Variants in COL4A2 observed in about 807,000 individuals in gnomAD.
The protein encoded by COL4A2 is collagen type IV alpha 2 chain, also known as collagen alpha-2(IV) chain.
COL4A2 carries 99 observed loss-of-function variants against 200.2 expected under a neutral mutation model. The observed-to-expected ratio is 0.49, with a 90% confidence interval of 0.42 to 0.58. The LOEUF is 0.58. COL4A2 is among the 20% of genes least tolerant of loss of function. COL4A2 has a pLI of 0.00. For synonymous variants in COL4A2, 897 were observed against 900.6 expected, an observed-to-expected ratio of 1.00 and a Z score of 0.07; for missense variants, 1,950 against 2,314.1, an observed-to-expected ratio of 0.84 and a Z score of 3.23.
intron 47 of COL4A2, among the ~76,000 whole-genome samples, chr13:110,510,188 G>A (rs1179332662): frequency 6.6e-6 from 1 of 152,240 alleles, no homozygotes; most frequent in African/African-American, 2.4e-5. Context: ...CTAGCGCCTG[G>A]CTCACCCTTC....
chr13:110,468,005 A>T (rs9521793), intron 27 of COL4A2: 38,321 of 373,102 alleles, frequency 0.1, 2,114 homozygotes, highest in Middle Eastern at 0.14. Flanking sequence ...CCACCTATGC[A>T]AGATGAATAG....
At chr13:110,505,460 T>C (rs1325031496) in intron 45 of COL4A2, among the ~76,000 whole-genome samples, 1 of 152,012 alleles carries the variant, frequency 6.6e-6, no homozygotes, top group Non-Finnish European at 1.5e-5. Flanking sequence ...TTATGGGTAG[T>C]GTGGGGTGCA....
At position 110,495,334 on chromosome 13, in the gene COL4A2, T is replaced by C. The variant is rs1318750922; in HGVS notation, c.3635-8T>C. On this transcript the variant is annotated splice_polypyrimidine_tract_variant and splice_region_variant and intron_variant, in intron 39 of 47. Transcript: ENST00000360467. ...CCGACATCAGCTGCTGTTATAACTCTTCCACAGGTTCTGACATCCACGGAG... is the reference window on the plus strand; with the variant it reads ...CCGACATCAGCTGCTGTTATAACTCCTCCACAGGTTCTGACATCCACGGAG... The C allele has an allele frequency of 7.4e-6, 12 of 1,613,990 alleles. No individual in the cohort carries two copies. The Admixed American group carries it at 2.0e-4, about 27-fold the overall frequency.
At chr13:110,410,469 C>G (rs753909549) in intron 4 of COL4A2, among the ~76,000 whole-genome samples, 2 of 152,196 alleles carry the variant, frequency 1.3e-5, no homozygotes, top group Non-Finnish European at 2.9e-5. Flanking sequence ...GTGACATGGA[C>G]TCCAAGTTCA....
chr13:110,329,119 G>A (rs989190066), intron 3 of COL4A2, among the ~76,000 whole-genome samples: 1 of 152,186 alleles, frequency 6.6e-6, no homozygotes, highest in Non-Finnish European at 1.5e-5. Context: ...ATGCTAATCT[G>A]AATAAAATGA....
chr13:110,408,850 T>A, intron 4 of COL4A2, among the ~76,000 whole-genome samples: 1 of 77,154 alleles, frequency 1.3e-5, no homozygotes, highest in Non-Finnish European at 2.8e-5. Flanking sequence ...CGCACACATA[T>A]ACACACATAC....
chr13:110,339,518 G>A (rs1876358458), intron 3 of COL4A2, among the ~76,000 whole-genome samples: 1 of 152,168 alleles, frequency 6.6e-6, no homozygotes, highest in Admixed American at 6.5e-5. Flanking sequence ...TGAGCCAGAG[G>A]GAGTGCATGT....
At chr13:110,463,607 A>C (rs1030858172) in intron 24 of COL4A2, among the ~76,000 whole-genome samples, 1 of 152,194 alleles carries the variant, frequency 6.6e-6, no homozygotes, top group African/African-American at 2.4e-5. Context: ...ATCAAAGCTC[A>C]CTGCAGCCTC....
At chr13:110,496,031 G>C (rs578094243) in intron 40 of COL4A2, among the ~76,000 whole-genome samples, 1 of 152,172 alleles carries the variant, frequency 6.6e-6, no homozygotes, top group Non-Finnish European at 1.5e-5. Flanking sequence ...CCCAGAGTCT[G>C]CTCCTGAGAT....
intron 16 of COL4A2, among the ~76,000 whole-genome samples, chr13:110,442,603 A>G (rs773566348): frequency 6.6e-6 from 1 of 152,242 alleles, no homozygotes; most frequent in Non-Finnish European, 1.5e-5. Context: ...GCCCTCCTCT[A>G]CATAAACACA....
At chr13:110,379,411 C>T (rs1878373452) in intron 4 of COL4A2, among the ~76,000 whole-genome samples, 1 of 152,212 alleles carries the variant, frequency 6.6e-6, no homozygotes, top group South Asian at 2.1e-4. Context: ...TTGGCATGAC[C>T]TTCCATCTTG....
chr13:110,508,141 G>A lies in COL4A2; in HGVS notation c.4801G>A (p.Ala1601Thr), dbSNP rs764320185. ...SVCEAPAIAI[A>T]VHSQDVSIPH... ...GTGTGAGGCCCCGGCCATCGCCATCGCGGTCCACAGTCAGGATGTCTCCAT... is the reference window on the plus strand; with the variant it reads ...GTGTGAGGCCCCGGCCATCGCCATCACGGTCCACAGTCAGGATGTCTCCAT... The change falls in exon 47 of 48, where the codon GCG becomes ACG. Residue 1601 changes from alanine to threonine, a missense_variant. Transcript: ENST00000360467. The surrounding 1 kb of genome is among the most constrained non-coding windows in gnomAD (Gnocchi z 6.1). 30 of 1,614,138 alleles carry A rather than the reference G, an allele frequency of 1.9e-5. No homozygotes were observed. In the African/African-American group the frequency reaches 2.3e-4, roughly 12 times the overall value.
At chr13:110,446,213 G>A (rs1414575346) in intron 17 of COL4A2, among the ~76,000 whole-genome samples, 1 of 152,144 alleles carries the variant, frequency 6.6e-6, no homozygotes. Flanking sequence ...TGTGGCTTGT[G>A]TGAGTAATTC....
intron 20 of COL4A2, among the ~76,000 whole-genome samples, 186 bp downstream of exon 20, chr13:110,450,640 G>A (rs1881506754): frequency 6.6e-6 from 1 of 152,236 alleles, no homozygotes; most frequent in Admixed American, 6.5e-5. Flanking sequence ...CCACGCAGGA[G>A]CTGGGGATGG....
chr13:110,457,580 C>T, intron 21 of COL4A2, 145 bp downstream of exon 21: 7 of 706,162 alleles, frequency 9.9e-6, no homozygotes, highest in African/African-American at 1.8e-5. Flanking sequence ...GTCCCCTTGG[C>T]GGTGGCACTG....
At chr13:110,317,764 A>G (rs1885179143) in intron 3 of COL4A2, among the ~76,000 whole-genome samples, 1 of 152,212 alleles carries the variant, frequency 6.6e-6, no homozygotes, top group African/African-American at 2.4e-5. Flanking sequence ...AGCTATGTAA[A>G]GGGGAAAAGG....
intron 4 of COL4A2, among the ~76,000 whole-genome samples, chr13:110,380,014 T>G (rs1878398161): frequency 6.6e-6 from 1 of 152,210 alleles, no homozygotes; most frequent in Non-Finnish European, 1.5e-5. Flanking sequence ...AGCCTTCCCT[T>G]GCAATGGCCT....
At chr13:110,442,409 G>A (rs866748101) in intron 16 of COL4A2, among the ~76,000 whole-genome samples, 1 of 152,244 alleles carries the variant, frequency 6.6e-6, no homozygotes, top group African/African-American at 2.4e-5. Flanking sequence ...CTGCACCACA[G>A]CTATGTCCGC....
At chr13:110,423,812 T>TA (rs1452502407) in intron 4 of COL4A2, among the ~76,000 whole-genome samples, 4 of 152,184 alleles carry the variant, frequency 2.6e-5, no homozygotes, top group Non-Finnish European at 5.9e-5. Context: ...GGGGCCTCTA[T>TA]ACAGGAGTTG....
Sources: allele counts gnomAD v4.1 joint callset (sites outside exome capture counted in the v4.1 genomes callset), GRCh38; gene constraint gnomAD v4.1.1; non-coding constraint Gnocchi (gnomAD v3.1); transcripts MANE v1.5; gene names NCBI Gene and HGNC (gene_info 2026-07-23, HGNC 2026-07-21).